JAKMIP1: variants seen among roughly 807,000 people sequenced by gnomAD.
JAKMIP1 encodes the protein janus kinase and microtubule-interacting protein 1.
Under a neutral mutation model 113.0 loss-of-function variants are expected in JAKMIP1, and 33 were observed. The observed-to-expected ratio is 0.29, with a 90% CI of 0.22 to 0.39. JAKMIP1 has a LOEUF of 0.39. Among genes scored for constraint, JAKMIP1 ranks in the 10% least tolerant of loss-of-function variants. JAKMIP1 has a pLI of 1.00. For missense variants in JAKMIP1, 813 were observed against 1,080.5 expected, an observed-to-expected ratio of 0.75 and a Z score of 3.47; for synonymous variants, 480 against 459.9, an observed-to-expected ratio of 1.04 and a Z score of -0.56.
rs936338886 is a variant in JAKMIP1, at chr4:6,143,680, T to C, written c.-147-30683A>G. Among the ~76,000 whole-genome samples the C allele has an allele frequency of 1.3e-5, 2 of 152,224 alleles. No individual in the cohort carries two copies. Among genetic ancestry groups the C allele is most frequent in the Admixed American group, 6.5e-5 (1 of 15,286 alleles). On this transcript the variant is annotated intron_variant, in intron 1 of 20. Transcript: ENST00000409021. The surrounding 1 kb of genome is among the most constrained non-coding windows in gnomAD (Gnocchi z 4.9). ...GGAGCTTGTTAGGAGTTAAAATTCTTTGGCCTCAACAGTAACCTACTGAAC... is the reference window on the plus strand; with the variant it reads ...GGAGCTTGTTAGGAGTTAAAATTCTCTGGCCTCAACAGTAACCTACTGAAC...
At chr4:6,032,269 T>C (rs1712796657) in intron 19 of JAKMIP1, among the ~76,000 whole-genome samples, 2 of 152,242 alleles carry the variant, frequency 1.3e-5, no homozygotes, top group Admixed American at 1.3e-4. Flanking sequence ...CAGGAACAAC[T>C]TCTGGGCTTT....
chr4:6,075,383 C>A (rs1199186698), intron 8 of JAKMIP1, among the ~76,000 whole-genome samples: 1 of 152,168 alleles, frequency 6.6e-6, no homozygotes, highest in Non-Finnish European at 1.5e-5. Flanking sequence ...GATTACAAAA[C>A]CTGCTTGGGC....
At chr4:6,170,454 TCAC>T (rs1169801590) in intron 1 of JAKMIP1, among the ~76,000 whole-genome samples, 7 of 143,584 alleles carry the variant, frequency 4.9e-5, no homozygotes, top group East Asian at 2.3e-4. Flanking sequence ...TCCATCACCA[TCAC>T]CACCACCACC....
intron 1 of JAKMIP1, among the ~76,000 whole-genome samples, chr4:6,131,673 T>C (rs1718535751): frequency 6.6e-6 from 1 of 152,210 alleles, no homozygotes; most frequent in Non-Finnish European, 1.5e-5. Context: ...GGGGTTACAG[T>C]GAGCCCAGAT....
intron 1 of JAKMIP1, among the ~76,000 whole-genome samples, chr4:6,126,371 G>GCACACACACCATGCAGAAACACTCA (rs1717615582): frequency 1.0e-4 from 12 of 117,484 alleles, no homozygotes; most frequent in Non-Finnish European, 1.3e-4. Context: ...ACACACACAT[G>GCACACACACCATGCAGAAACACTCA]CACAAACACA....
At chr4:6,189,518 G>C (rs905311506) in intron 1 of JAKMIP1, among the ~76,000 whole-genome samples, 1 of 152,170 alleles carries the variant, frequency 6.6e-6, no homozygotes, top group African/African-American at 2.4e-5. Flanking sequence ...TCCCAACACT[G>C]ACATTATGGG....
At chr4:6,048,453 T>C (rs1017875108) in intron 16 of JAKMIP1, among the ~76,000 whole-genome samples, 1 of 152,236 alleles carries the variant, frequency 6.6e-6, no homozygotes, top group Admixed American at 6.5e-5. Flanking sequence ...ACTAACAGTA[T>C]AACTGTGTGA....
In JAKMIP1 at chr4:6,051,750, C is replaced by T. The variant is rs182794999; in HGVS notation, c.1807-1071G>A. On this transcript the variant is annotated intron_variant, in intron 13 of 20. Coordinates refer to ENST00000409021, the MANE Select transcript of JAKMIP1 (RefSeq NM_001099433.2). The surrounding 1 kb of genome is among the most constrained non-coding windows in gnomAD (Gnocchi z 5.0). Reference sequence around the variant, plus strand: ...CATAAATGACAAGGTTTTAAAAGGTCGGGAAAACCTAATTACTTACAGGGC... The same window carrying T: ...CATAAATGACAAGGTTTTAAAAGGTTGGGAAAACCTAATTACTTACAGGGC... 5.3e-5 allele frequency among the ~76,000 whole-genome samples: 8 copies of T among 152,252 alleles called. No homozygotes were observed. The South Asian group carries it at 6.2e-4, about 12-fold the overall frequency.
intron 19 of JAKMIP1, among the ~76,000 whole-genome samples, chr4:6,032,130 G>T (rs1712764322): frequency 6.6e-6 from 1 of 152,150 alleles, no homozygotes; most frequent in Non-Finnish European, 1.5e-5. Flanking sequence ...ATCTCTCTGT[G>T]TCTGGACCCC....
intron 1 of JAKMIP1, among the ~76,000 whole-genome samples, chr4:6,131,356 G>A (rs1718494486): frequency 1.4e-5 from 2 of 140,454 alleles, no homozygotes; most frequent in Middle Eastern, 7.0e-3. Context: ...ATAGCAAGAA[G>A]GATAACTGCC....
At chr4:6,160,728 C>T (rs73075458) in intron 1 of JAKMIP1, among the ~76,000 whole-genome samples, 10,500 of 152,150 alleles carry the variant, frequency 0.069, 837 homozygotes, top group African/African-American at 0.2. Context: ...ACAGTCCTTC[C>T]AGATGGTCTC....
chr4:6,095,789 G>A (rs537372201), intron 3 of JAKMIP1, among the ~76,000 whole-genome samples: 5 of 151,214 alleles, frequency 3.3e-5, no homozygotes, highest in East Asian at 1.9e-4. Flanking sequence ...AGAGGCGGGG[G>A]GCGTCTGCTA....
In JAKMIP1 at chr4:6,162,402, G is replaced by A. The variant is rs1317440551; in HGVS notation, c.-148+37851C>T. The stretch of plus-strand genomic sequence containing the variant: ...TTTTAGCCCAACCCTGGTCTTTGCT[G>A]GTGAGGGTCCTGGGGAAGTCACCTC... On this transcript the variant is annotated intron_variant, in intron 1 of 20. Transcript: ENST00000409021. This position sits in a 1 kb window ranked among gnomAD's most constrained non-coding sequence, Gnocchi z 5.6. 6.6e-6 allele frequency among the ~76,000 whole-genome samples: 1 copy of A among 152,162 alleles called. No homozygotes were observed. Among genetic ancestry groups the A allele is most frequent in the African/African-American group, 2.4e-5 (1 of 41,434 alleles).
intron 3 of JAKMIP1, among the ~76,000 whole-genome samples, chr4:6,098,103 G>A (rs933758883): frequency 6.6e-6 from 1 of 152,170 alleles, no homozygotes; most frequent in Non-Finnish European, 1.5e-5. Context: ...GCCTGCCTGA[G>A]CACACTTTAC....
Position 6,150,632 on chromosome 4 carries a change from A to C in JAKMIP1, c.-147-37635T>G, listed in dbSNP as rs1721459191. 6.6e-6 allele frequency: 1 copy of C among 152,258 alleles called. No homozygotes were observed. The highest frequency in any genetic ancestry group is 2.1e-4 in the South Asian group (1 of 4,832). The allele number at this position is 152,258 out of a possible 1,614,324, so 9.4% of individuals were successfully genotyped here. A position where few individuals can be genotyped will look rare whatever the true frequency, so the allele number is the denominator to read the frequency against. On this transcript the variant is annotated intron_variant, in intron 1 of 20. Transcript: ENST00000409021. The surrounding 1 kb of genome is among the most constrained non-coding windows in gnomAD (Gnocchi z 4.8). ...AGACCACGGGGCCGGCAGCACCTGCATCAGCGTCTGTCTGGCTTCCTCTTC... is the reference window on the plus strand; with the variant it reads ...AGACCACGGGGCCGGCAGCACCTGCCTCAGCGTCTGTCTGGCTTCCTCTTC...
intron 20 of JAKMIP1, among the ~76,000 whole-genome samples, chr4:6,029,044 G>A (rs1712236796): frequency 1.3e-5 from 2 of 152,226 alleles, no homozygotes; most frequent in African/African-American, 4.8e-5. Flanking sequence ...CTTTGTGTGT[G>A]TCCTGAGCCA....
At chr4:6,131,400 A>G (rs1448897489) in intron 1 of JAKMIP1, among the ~76,000 whole-genome samples, 1 of 151,476 alleles carries the variant, frequency 6.6e-6, no homozygotes, top group East Asian at 1.9e-4. Context: ...TACACTTAGC[A>G]TATCATATGC....
At chr4:6,057,961 C>T (rs1008000541) in intron 11 of JAKMIP1, among the ~76,000 whole-genome samples, 2 of 152,268 alleles carry the variant, frequency 1.3e-5, no homozygotes, top group Non-Finnish European at 2.9e-5. Flanking sequence ...TGCTGATCCA[C>T]AGAACTGTGT....
At chr4:6,075,089 A>T (rs759921160) in intron 8 of JAKMIP1, among the ~76,000 whole-genome samples, 3 of 152,256 alleles carry the variant, frequency 2.0e-5, no homozygotes, top group Non-Finnish European at 4.4e-5. Context: ...AGGAAAAAAA[A>T]GTCCGGGAGG....
Sources: gnomAD v4.1 joint callset for allele counts (sites outside exome capture counted in the v4.1 genomes callset) on GRCh38, gnomAD v4.1.1 for gene constraint, Gnocchi (gnomAD v3.1) non-coding constraint, MANE v1.5 for transcripts, NCBI Gene and HGNC (gene_info 2026-07-23, HGNC 2026-07-21) for gene names.